GNB5: variants seen among roughly 807,000 people sequenced by gnomAD.
GNB5 encodes G protein subunit beta 5.
Under a neutral mutation model 55.3 loss-of-function variants are expected in GNB5, and 37 were observed. That is an observed-to-expected ratio of 0.67 (90% confidence interval 0.51 to 0.88). The LOEUF (loss-of-function observed/expected upper bound fraction) is 0.88, where lower values mean the gene tolerates loss of function less well. Ranked by LOEUF, GNB5 falls within the 40% of genes least tolerant of loss-of-function variation. The pLI, the probability that GNB5 is intolerant of heterozygous loss-of-function variation, is 0.00. For missense variants in GNB5, 476 were observed against 515.3 expected (o/e 0.92, Z 0.74); for synonymous variants, 219 against 198.5 (o/e 1.10, Z -0.87).
intron 6 of GNB5, among the ~76,000 whole-genome samples, chr15:52,145,464 AC>A (rs1266945513): frequency 6.1e-5 from 9 of 148,164 alleles, no homozygotes; most frequent in Non-Finnish European, 1.3e-4. Context: ...ACATGGTAAA[AC>A]CCCATCTCTG....
At chr15:52,147,566 A>C in intron 5 of GNB5, 31 bp from the exon 6 acceptor site, 1 of 1,196,660 alleles carries the variant, frequency 8.4e-7, no homozygotes, top group Non-Finnish European at 1.2e-6. Context: ...AACAACTAGC[A>C]CTTCCACACA....
Position 52,141,136 on chromosome 15 carries a change from T to C in GNB5, c.627+4A>G, listed in dbSNP as rs973016725. The C allele has an allele frequency of 3.1e-6, 5 of 1,614,042 alleles. No homozygotes were observed. The highest frequency in any genetic ancestry group is 4.2e-6 in the Non-Finnish European group (5 of 1,179,924). ...CAACCTGACACCGGGGGCTGCCTAT[T>C]TACCTGCATGTCAGAGTTGGTGAAG... On this transcript the variant is annotated splice_donor_region_variant and intron_variant, in intron 7 of 12. Transcript: ENST00000261837.
chr15:52,127,940 A>G (rs1000170355), intron 10 of GNB5, among the ~76,000 whole-genome samples: 11 of 152,202 alleles, frequency 7.2e-5, no homozygotes, highest in Admixed American at 2.6e-4. Flanking sequence ...CCAGCCTGGG[A>G]AAATGTTCAC....
intron 3 of GNB5, among the ~76,000 whole-genome samples, chr15:52,155,622 G>GTTTAGCCTCCAGTTATA (rs915941058): frequency 2.6e-5 from 4 of 152,212 alleles, no homozygotes; most frequent in Admixed American, 6.5e-5. Context: ...TCAGTTGCAT[G>GTTTAGCCTCCAGTTATA]TTTAGCCTCC....
chr15:52,137,438 G>A, intron 7 of GNB5: 1 of 1,019,074 alleles, frequency 9.8e-7, no homozygotes, highest in Non-Finnish European at 1.2e-6. Context: ...TGAAAGGTGA[G>A]CCCGTTCACA....
rs148643436 is a variant in GNB5 at position 52,159,573 on chromosome 15, C to G, written c.239-5497G>C. ...GAATATTCTGGATGCCAGTCCAGAC[C>G]AAGGAATCAGAATCAAAGTCATGGC... On this transcript the variant is annotated intron_variant, in intron 3 of 12. Transcript: ENST00000261837. 5.0e-3 allele frequency among the ~76,000 whole-genome samples: 763 copies of G among 152,240 alleles called. 18 individuals are homozygous for G. Among genetic ancestry groups the G allele is most frequent in the Admixed American group, 0.025 (389 of 15,286 alleles).
intron 3 of GNB5, among the ~76,000 whole-genome samples, chr15:52,159,827 G>A (rs59694167): frequency 0.017 from 2,558 of 152,240 alleles, 68 homozygotes; most frequent in African/African-American, 0.06. Flanking sequence ...CCAGGGTCAG[G>A]GAGCCAGAGG....
intron 3 of GNB5, among the ~76,000 whole-genome samples, chr15:52,163,154 T>G (rs2034371321): frequency 6.6e-6 from 1 of 152,152 alleles, no homozygotes; most frequent in African/African-American, 2.4e-5. Flanking sequence ...AACCACGCTT[T>G]TCCCACAGAT....
chr15:52,175,421 A>G lies in GNB5; in HGVS notation c.238+4347T>C, dbSNP rs571895856. On this transcript the variant is annotated intron_variant, in intron 3 of 12. Transcript: ENST00000261837. ...GGGCTGGGAATCTCAGCTGGGCAAG[A>G]AACAAGGCCTGTGTGTGTCAGAAAC... Among the ~76,000 whole-genome samples the G allele has an allele frequency of 7.2e-5, 11 of 152,334 alleles. No individual in the cohort carries two copies. The South Asian group carries it at 2.3e-3, about 32-fold the overall frequency.
At chr15:52,146,431 T>C (rs2033977965) in intron 6 of GNB5, among the ~76,000 whole-genome samples, 1 of 152,212 alleles carries the variant, frequency 6.6e-6, no homozygotes, top group Non-Finnish European at 1.5e-5. Context: ...TTCCTAGTAA[T>C]CTTGATGCCC....
At chr15:52,167,396 G>A (rs867117660) in intron 3 of GNB5, among the ~76,000 whole-genome samples, 2 of 152,142 alleles carry the variant, frequency 1.3e-5, no homozygotes, top group Middle Eastern at 3.2e-3. Flanking sequence ...TTGGCCGAGT[G>A]CAGTGGCCCA....
At chr15:52,122,889 T>TACACACAC (rs60072605) in intron 12 of GNB5, 121 bp from the exon 13 acceptor site, 180 of 717,344 alleles carry the variant, frequency 2.5e-4, no homozygotes, top group South Asian at 1.3e-3. Flanking sequence ...TATGTGTGTG[T>TACACACAC]ACACACACAC....
intron 10 of GNB5, among the ~76,000 whole-genome samples, chr15:52,127,409 A>G (rs997256446): frequency 6.6e-6 from 1 of 152,178 alleles, no homozygotes; most frequent in African/African-American, 2.4e-5. Context: ...ATGTAACTCC[A>G]TTCGTATCTA....
Position 52,154,092 on chromosome 15 carries a change from C to T in GNB5, c.239-16G>A. ...ACCTGGTGCACTGGAATGACAAGGC[C>T]ATAGTCAGTCCCCTTGCTAAGGACC... On this transcript the variant is annotated splice_polypyrimidine_tract_variant and intron_variant, in intron 3 of 12. Transcript: ENST00000261837. 2 of 1,611,950 alleles carry T rather than the reference C, an allele frequency of 1.2e-6. No homozygotes were observed. Among genetic ancestry groups the T allele is most frequent in the Non-Finnish European group, 1.7e-6 (2 of 1,178,688 alleles).
intron 3 of GNB5, among the ~76,000 whole-genome samples, chr15:52,176,377 C>T (rs955253414): frequency 5.9e-5 from 9 of 152,198 alleles, no homozygotes; most frequent in African/African-American, 2.2e-4. Flanking sequence ...GGGATGATAC[C>T]ACTTTCCTTC....
chr15:52,165,056 C>A (rs758534748), intron 3 of GNB5, among the ~76,000 whole-genome samples: 115 of 152,266 alleles, frequency 7.6e-4, no homozygotes, highest in Non-Finnish European at 9.4e-4. Context: ...ATAAGAATGT[C>A]ACGATGCAAT....
chr15:52,126,321 C>CT (rs949858113), intron 10 of GNB5, among the ~76,000 whole-genome samples: 6 of 152,066 alleles, frequency 3.9e-5, no homozygotes, highest in Middle Eastern at 3.4e-3. Flanking sequence ...TGAGACCCCA[C>CT]TTTTTTTTCT....
intron 6 of GNB5, among the ~76,000 whole-genome samples, chr15:52,142,979 A>AC (rs1273226662): frequency 6.6e-6 from 1 of 151,878 alleles, no homozygotes; most frequent in Non-Finnish European, 1.5e-5. Context: ...ACATGGAGAA[A>AC]CCCCATCTCT....
Position 52,183,219 on chromosome 15 carries a change from CCT to C in GNB5, c.126+1330_126+1331del, listed in dbSNP as rs140594648. ...TAGAAAAGTATCTCCAGGCATGGCC[CCT>C]GTGCTAGGGAGAACCTGTGTGCCAC... On this transcript the variant is annotated intron_variant, in intron 2 of 12. Coordinates refer to ENST00000261837, the MANE Select transcript of GNB5 (RefSeq NM_016194.4). Among the ~76,000 whole-genome samples the C allele has an allele frequency of 7.4e-3, 1,129 of 152,152 alleles. 21 individuals carry two copies. Among genetic ancestry groups the C allele is most frequent in the African/African-American group, 0.026 (1,078 of 41,506 alleles).
Sources: gnomAD v4.1 joint callset for allele counts (sites outside exome capture counted in the v4.1 genomes callset) on GRCh38, gnomAD v4.1.1 for gene constraint, MANE v1.5 for transcripts, NCBI Gene and HGNC (gene_info 2026-07-23, HGNC 2026-07-21) for gene names.